The following RIMBP2 variants were observed in gnomAD, a reference collection of about 807,000 sequenced individuals.
RIMBP2 encodes the protein RIMS binding protein 2.
RIMBP2 carries 48 observed loss-of-function variants against 118.6 expected under a neutral mutation model. The ratio of observed to expected loss-of-function variants is 0.40; its 90% CI spans 0.32 to 0.51. RIMBP2 has a LOEUF of 0.51. RIMBP2 is among the 20% of genes least tolerant of loss of function. RIMBP2 has a pLI of 0.41. For synonymous variants in RIMBP2, 762 were observed against 742.9 expected (o/e 1.03, Z -0.42); for missense variants, 1,551 against 1,768.3 (o/e 0.88, Z 2.20).
chr12:130,710,428 A>ACACACATACACGCAGG lies in RIMBP2; in HGVS notation c.-352+5778_-352+5793dup, dbSNP rs1357849113. Among the ~76,000 whole-genome samples, 1 of 152,042 alleles carries ACACACATACACGCAGG rather than the reference A, an allele frequency of 6.6e-6. No individual in the cohort carries two copies. The highest frequency in any genetic ancestry group is 2.4e-5 in the African/African-American group (1 of 41,368). On this transcript the variant is annotated intron_variant, in intron 1 of 22. Transcript: ENST00000690449. The surrounding 1 kb of genome is among the most constrained non-coding windows in gnomAD (Gnocchi z 4.3). Reference sequence around the variant, plus strand: ...TGCCCGTTGTCTTACACATGCACACACACACATACACGCAGGCGCACACAC... The same window carrying ACACACATACACGCAGG: ...TGCCCGTTGTCTTACACATGCACACACACACATACACGCAGGCACACATACACGCAGGCGCACACAC...
intron 2 of RIMBP2, among the ~76,000 whole-genome samples, chr12:130,615,780 C>A (rs1343869725): frequency 6.6e-6 from 1 of 152,092 alleles, no homozygotes; most frequent in Non-Finnish European, 1.5e-5. Context: ...ATTAAGAAAA[C>A]CAATGCCCAC....
rs1439664866 is a variant in RIMBP2, at chr12:130,442,220, C to T, written c.1132G>A (p.Ala378Thr). 1 of 1,614,208 alleles carries T rather than the reference C, an allele frequency of 6.2e-7. No individual in the cohort carries two copies. The highest frequency in any genetic ancestry group is 1.1e-5 in the South Asian group (1 of 91,082). ...KALIEKLNMA[A>T]CTYRISVQCV... The stretch of plus-strand genomic sequence containing the variant: ...TGCACGGAGATGCGGTAGGTGCAGG[C>T]TGCCATGTTGAGCTTCTCGATGAGG... Residue 378 changes from alanine (A) to threonine (T), a missense_variant, in exon 11 of 23, where the codon GCC becomes ACC. Physicochemically the swap from Ala to Thr is moderately conservative, Grantham distance 58. This residue lies in a region of RIMBP2 where 265 missense variants were observed against 349.5 expected (regional missense o/e 0.76). Coordinates refer to ENST00000690449, the MANE Select transcript of RIMBP2 (RefSeq NM_001393629.1). The surrounding 1 kb of genome is among the most constrained non-coding windows in gnomAD (Gnocchi z 6.9).
chr12:130,676,715 A>G (rs1302896585), intron 1 of RIMBP2, among the ~76,000 whole-genome samples: 3 of 152,172 alleles, frequency 2.0e-5, no homozygotes, highest in African/African-American at 7.2e-5. Context: ...GCAAACCACC[A>G]CACAGCCCAA....
chr12:130,534,043 G>A (rs954892738), intron 2 of RIMBP2, among the ~76,000 whole-genome samples: 6 of 151,628 alleles, frequency 4.0e-5, no homozygotes, highest in African/African-American at 1.5e-4. Flanking sequence ...GTGCATATCT[G>A]TAATCCCAGC....
At chr12:130,515,390 C>T (rs2051342653) in intron 3 of RIMBP2, among the ~76,000 whole-genome samples, 2 of 152,142 alleles carry the variant, frequency 1.3e-5, no homozygotes, top group Admixed American at 1.3e-4. Context: ...CTCTACCCAG[C>T]CCCTGGCACC....
chr12:130,423,332 C>T (rs551532168), intron 16 of RIMBP2, among the ~76,000 whole-genome samples: 122 of 152,252 alleles, frequency 8.0e-4, no homozygotes, highest in African/African-American at 2.4e-3. Flanking sequence ...CTGCCGTGGG[C>T]GGCTGAGTCA....
At chr12:130,529,081 T>A (rs183504048) in intron 2 of RIMBP2, among the ~76,000 whole-genome samples, 1 of 152,280 alleles carries the variant, frequency 6.6e-6, no homozygotes, top group African/African-American at 2.4e-5. Context: ...ATAAGCCAAA[T>A]GTGGTCTGTC....
rs939036203 is a variant in RIMBP2 at position 130,682,747 on chromosome 12, C to T, written c.-352+33475G>A. On this transcript the variant is annotated intron_variant, in intron 1 of 22. Coordinates refer to ENST00000690449, the MANE Select transcript of RIMBP2 (RefSeq NM_001393629.1). ...CACTCAGGCATTAGGAGGCAGCGCC[C>T]AATCTCTGCTTCCCAGACTTCTGCT... Among the ~76,000 whole-genome samples the T allele has an allele frequency of 2.6e-5, 4 of 152,216 alleles. No individual in the cohort carries two copies. The East Asian group carries it at 7.7e-4, about 29-fold the overall frequency.
In RIMBP2 at chr12:130,621,339, G is replaced by C. The variant is rs1342336323; in HGVS notation, c.-217+6983C>G. Among the ~76,000 whole-genome samples, 2 of 152,186 alleles carry C rather than the reference G, an allele frequency of 1.3e-5. No individual in the cohort carries two copies. The highest frequency in any genetic ancestry group is 4.8e-5 in the African/African-American group (2 of 41,442). On this transcript the variant is annotated intron_variant, in intron 2 of 22. Transcript: ENST00000690449. The surrounding 1 kb of genome is among the most constrained non-coding windows in gnomAD (Gnocchi z 6.6). The stretch of plus-strand genomic sequence containing the variant: ...GATATGATAATACAATGTGGGAACA[G>C]CGCCAGGCCTGTGAACTCCAAGTGC...
chr12:130,480,975 C>T (rs1474049723), intron 4 of RIMBP2, among the ~76,000 whole-genome samples: 16 of 152,324 alleles, frequency 1.1e-4, no homozygotes, highest in South Asian at 4.1e-4. Flanking sequence ...GTCGGACACA[C>T]GCGTCCAAGA....
At chr12:130,655,063 G>T (rs577793291) in intron 1 of RIMBP2, among the ~76,000 whole-genome samples, 17 of 152,298 alleles carry the variant, frequency 1.1e-4, no homozygotes, top group African/African-American at 4.1e-4. Flanking sequence ...AGATTTGGGG[G>T]AGACACACAT....
intron 2 of RIMBP2, among the ~76,000 whole-genome samples, chr12:130,592,909 C>G (rs1412861736): frequency 6.6e-6 from 1 of 152,160 alleles, no homozygotes; most frequent in African/African-American, 2.4e-5. Context: ...AGCGCGGCTT[C>G]CACGCTGACC....
intron 2 of RIMBP2, among the ~76,000 whole-genome samples, chr12:130,550,214 GC>G (rs2055614160): frequency 6.6e-6 from 1 of 152,178 alleles, no homozygotes. Flanking sequence ...ATCAACTGTG[GC>G]TTTTGTATGC....
intron 4 of RIMBP2, among the ~76,000 whole-genome samples, chr12:130,493,932 G>A (rs913828831): frequency 2.0e-5 from 3 of 152,144 alleles, no homozygotes; most frequent in African/African-American, 7.2e-5. Context: ...TGTTTCCTGA[G>A]CACCAACTAC....
At position 130,622,515 on chromosome 12, in the gene RIMBP2, A is replaced by G. The variant is rs1218336335; in HGVS notation, c.-217+5807T>C. Among the ~76,000 whole-genome samples, 1 of 152,054 alleles carries G rather than the reference A, an allele frequency of 6.6e-6. No individual in the cohort carries two copies. The highest frequency in any genetic ancestry group is 1.5e-5 in the Non-Finnish European group (1 of 68,008). The stretch of plus-strand genomic sequence containing the variant: ...ATATAATATATATTTGATAATAGAG[A>G]TGGAGTCTCACTTTGTTGCCCAGGG... On this transcript the variant is annotated intron_variant, in intron 2 of 22. Coordinates refer to ENST00000690449, the MANE Select transcript of RIMBP2 (RefSeq NM_001393629.1). This position sits in a 1 kb window ranked among gnomAD's most constrained non-coding sequence, Gnocchi z 8.5.
chr12:130,594,928 T>G (rs893442076), intron 2 of RIMBP2, among the ~76,000 whole-genome samples: 1 of 152,186 alleles, frequency 6.6e-6, no homozygotes, highest in African/African-American at 2.4e-5. Context: ...AGTAATACAA[T>G]GAAACACAGC....
intron 2 of RIMBP2, among the ~76,000 whole-genome samples, chr12:130,542,535 G>A (rs1339715548): frequency 1.3e-4 from 20 of 152,178 alleles, no homozygotes; most frequent in Non-Finnish European, 5.9e-5. Flanking sequence ...AGAAGAGGGT[G>A]GGAGATGAGG....
In RIMBP2 at chr12:130,622,637, T is replaced by C. The variant is rs1013585254; in HGVS notation, c.-217+5685A>G. 1.3e-5 allele frequency among the ~76,000 whole-genome samples: 2 copies of C among 152,212 alleles called. No homozygotes were observed. Among genetic ancestry groups the C allele is most frequent in the African/African-American group, 4.8e-5 (2 of 41,448 alleles). On this transcript the variant is annotated intron_variant, in intron 2 of 22. Coordinates refer to ENST00000690449, the MANE Select transcript of RIMBP2 (RefSeq NM_001393629.1). This position sits in a 1 kb window ranked among gnomAD's most constrained non-coding sequence, Gnocchi z 8.5. The stretch of plus-strand genomic sequence containing the variant: ...GCCACTGCACCTGGCCTACTAGTTA[T>C]ATTTTTCCTAATAATTGTATTTTTT...
At chr12:130,630,214 T>C (rs1199007498) in intron 1 of RIMBP2, among the ~76,000 whole-genome samples, 1 of 151,772 alleles carries the variant, frequency 6.6e-6, no homozygotes, top group Non-Finnish European at 1.5e-5. Flanking sequence ...CTTTTACCAA[T>C]AAGGTTTCTA....
Sources: allele counts gnomAD v4.1 joint callset (sites outside exome capture counted in the v4.1 genomes callset), GRCh38; gene constraint gnomAD v4.1.1; regional missense constraint gnomAD v4.1.1; non-coding constraint Gnocchi (gnomAD v3.1); transcripts MANE v1.5; gene names NCBI Gene and HGNC (gene_info 2026-07-23, HGNC 2026-07-21).